The following MBTD1 variants were observed in gnomAD, a reference collection of about 807,000 sequenced individuals.
The protein encoded by MBTD1 is MBT domain-containing protein 1.
MBTD1 carries 24 observed loss-of-function variants against 87.8 expected under a neutral mutation model. The ratio of observed to expected loss-of-function variants is 0.27; its 90% confidence interval spans 0.20 to 0.38. The LOEUF (loss-of-function observed/expected upper bound fraction) is 0.38. Among genes scored for constraint, MBTD1 ranks in the 10% least tolerant of loss-of-function variants. The pLI is 1.00. For synonymous variants in MBTD1, 237 were observed against 248.6 expected, an observed-to-expected ratio of 0.95 and a Z score of 0.44; for missense variants, 436 against 760.2, an observed-to-expected ratio of 0.57 and a Z score of 5.02.
chr17:51,196,433 A>G (rs537246773), intron 12 of MBTD1, among the ~76,000 whole-genome samples: 1 of 152,000 alleles, frequency 6.6e-6, no homozygotes, highest in Admixed American at 6.6e-5. Context: ...CATGTTGGCC[A>G]GGCTGGTCTC....
chr17:51,196,237 T>G (rs1364976242), intron 12 of MBTD1, among the ~76,000 whole-genome samples: 1 of 151,370 alleles, frequency 6.6e-6, no homozygotes, highest in Non-Finnish European at 1.5e-5. Context: ...TTTTTTTTTT[T>G]TTTTTGAGAC....
chr17:51,224,959 C>T (rs1365716842), intron 3 of MBTD1, 49 bp downstream of exon 3: 4 of 1,202,538 alleles, frequency 3.3e-6, no homozygotes, highest in Non-Finnish European at 2.2e-6. Context: ...AATGAAAACA[C>T]ACCCTTAAAC....
intron 6 of MBTD1, among the ~76,000 whole-genome samples, chr17:51,215,814 C>T (rs1422280825): frequency 6.6e-6 from 1 of 151,914 alleles, no homozygotes; most frequent in Non-Finnish European, 1.5e-5. Flanking sequence ...ACCTGCTTGA[C>T]TTTGATCAAA....
intron 16 of MBTD1, chr17:51,183,534 C>T (rs2050409662): frequency 6.6e-6 from 1 of 152,188 alleles, no homozygotes; most frequent in Non-Finnish European, 1.5e-5. Flanking sequence ...TTATTTGGTA[C>T]TGGTTTTGGT....
intron 6 of MBTD1, among the ~76,000 whole-genome samples, chr17:51,215,683 T>C (rs2052527140): frequency 6.6e-6 from 1 of 152,196 alleles, no homozygotes; most frequent in African/African-American, 2.4e-5. Context: ...TGTGACACTA[T>C]TATCAACATT....
In MBTD1 at chr17:51,203,262, CA is replaced by C. The variant is rs553475290; in HGVS notation, c.740-35del. On this transcript the variant is annotated intron_variant, in intron 8 of 16. Transcript: ENST00000586178. Reference sequence around the variant, plus strand: ...GAAGAAATAATCAGTTATACTTTAGCAAAAAAGAACTGCTTCATAAATTATT... The same window carrying C: ...GAAGAAATAATCAGTTATACTTTAGCAAAAAGAACTGCTTCATAAATTATT... 1.4e-4 allele frequency: 145 copies of C among 1,010,750 alleles called. No individual in the cohort carries two copies. The African/African-American group carries it at 2.2e-3, about 16-fold the overall frequency. The allele number at this position is 1,010,750 out of a possible 1,614,324, so 62.6% of individuals were successfully genotyped here.
At chr17:51,187,897 T>C (rs2050621108) in intron 16 of MBTD1, among the ~76,000 whole-genome samples, 1 of 150,638 alleles carries the variant, frequency 6.6e-6, no homozygotes, top group Non-Finnish European at 1.5e-5. Flanking sequence ...GGGATCTTTA[T>C]CTTTGTGACT....
chr17:51,239,893 A>G (rs900351635), intron 2 of MBTD1, among the ~76,000 whole-genome samples: 1 of 152,174 alleles, frequency 6.6e-6, no homozygotes, highest in Non-Finnish European at 1.5e-5. Flanking sequence ...ACATTAACCC[A>G]ATACTTTCAT....
rs114828193 is a variant in MBTD1, at chr17:51,182,729, C to A, written c.1769-2035G>T. On this transcript the variant is annotated intron_variant, in intron 16 of 16. Transcript: ENST00000586178. ...TTCTTCATTTTTCTCTATTATGTAT[C>A]TTTTCATTAATAAATGGAGAGGATA... Among the ~76,000 whole-genome samples the A allele has an allele frequency of 4.3e-3, 648 of 152,200 alleles. 4 individuals are homozygous for A. The highest frequency in any genetic ancestry group is 0.015 in the African/African-American group (617 of 41,496).
chr17:51,209,459 C>T, intron 6 of MBTD1: 1 of 471,176 alleles, frequency 2.1e-6, no homozygotes, highest in South Asian at 1.5e-5. Flanking sequence ...TCAGGTCCTG[C>T]AGGACATGGC....
intron 2 of MBTD1, among the ~76,000 whole-genome samples, chr17:51,248,825 G>C (rs1377225581): frequency 1.3e-5 from 2 of 152,136 alleles, no homozygotes; most frequent in African/African-American, 2.4e-5. Flanking sequence ...CATAATACAA[G>C]GTTTCTTAAC....
At chr17:51,195,998 C>T (rs2051079286) in intron 12 of MBTD1, among the ~76,000 whole-genome samples, 1 of 152,156 alleles carries the variant, frequency 6.6e-6, no homozygotes, top group Non-Finnish European at 1.5e-5. Flanking sequence ...GCCTTGACCT[C>T]CCCGGCTCAA....
Position 51,216,174 on chromosome 17 carries a change from T to C in MBTD1, c.486+1160A>G, listed in dbSNP as rs538222060. ...CTTGAACTCCCGACCTCAGGTGATA[T>C]GCCTGCTTCGGCCTCCCAAAGTGCT... is the stretch of plus-strand genomic sequence containing the variant. On this transcript the variant is annotated intron_variant, in intron 6 of 16. Coordinates refer to ENST00000586178, the MANE Select transcript of MBTD1 (RefSeq NM_017643.3). Among the ~76,000 whole-genome samples, 22 of 152,218 alleles carry C rather than the reference T, an allele frequency of 1.4e-4. No individual in the cohort carries two copies. In the South Asian group the frequency reaches 4.1e-3, roughly 29 times the overall value.
chr17:51,252,231 A>G (rs2054828913), intron 2 of MBTD1, among the ~76,000 whole-genome samples: 1 of 152,222 alleles, frequency 6.6e-6, no homozygotes, highest in Admixed American at 6.5e-5. Flanking sequence ...AAATAGGCTA[A>G]GCAACTTGCC....
At chr17:51,215,472 A>G (rs1257164926) in intron 6 of MBTD1, among the ~76,000 whole-genome samples, 1 of 152,182 alleles carries the variant, frequency 6.6e-6, no homozygotes, top group Non-Finnish European at 1.5e-5. Flanking sequence ...AAGGAGATAC[A>G]AAGAGAGAGA....
intron 2 of MBTD1, among the ~76,000 whole-genome samples, chr17:51,246,360 C>G (rs2054434866): frequency 6.6e-6 from 1 of 152,292 alleles, no homozygotes; most frequent in Non-Finnish European, 1.5e-5. Context: ...TCTGTGGTGT[C>G]ATGTCCATGC....
intron 16 of MBTD1, among the ~76,000 whole-genome samples, chr17:51,182,403 G>A (rs555007953): frequency 3.1e-4 from 47 of 151,946 alleles, no homozygotes; most frequent in Non-Finnish European, 5.0e-4. Context: ...TTTGGATTAC[G>A]GTGTCAGCCA....
intron 6 of MBTD1, among the ~76,000 whole-genome samples, chr17:51,211,783 GA>G (rs201136496): frequency 4.1e-5 from 6 of 146,598 alleles, no homozygotes; most frequent in Admixed American, 6.8e-5. Context: ...CACGACTAGG[GA>G]AAAAAAAAAC....
chr17:51,189,630 T>A (rs2050706043), intron 16 of MBTD1, among the ~76,000 whole-genome samples: 1 of 152,154 alleles, frequency 6.6e-6, no homozygotes, highest in African/African-American at 2.4e-5. Flanking sequence ...ACAGATAAGT[T>A]CTAAAAAGCA....
Sources: gnomAD v4.1 joint callset for allele counts (sites outside exome capture counted in the v4.1 genomes callset) on GRCh38, gnomAD v4.1.1 for gene constraint, MANE v1.5 for transcripts, NCBI Gene and HGNC (gene_info 2026-07-23, HGNC 2026-07-21) for gene names.